Variants in GPHN observed in about 807,000 individuals in gnomAD.
The protein encoded by GPHN is gephyrin.
Under a neutral mutation model 95.5 loss-of-function variants are expected in GPHN, and 17 were observed. The observed-to-expected ratio is 0.18, with a 90% confidence interval of 0.12 to 0.27. The LOEUF is 0.27. Among genes scored for constraint, GPHN ranks in the 10% least tolerant of loss-of-function variants. The pLI, the probability that GPHN is intolerant of heterozygous loss-of-function variation, is 1.00. For synonymous variants in GPHN, 320 were observed against 322.5 expected (o/e 0.99, Z 0.08); for missense variants, 660 against 978.1 (o/e 0.67, Z 4.34).
At chr14:66,798,259 A>C (rs1275401669) in intron 3 of GPHN, among the ~76,000 whole-genome samples, 1 of 151,954 alleles carries the variant, frequency 6.6e-6, no homozygotes, top group African/African-American at 2.4e-5. Flanking sequence ...ATCAATATTC[A>C]TGAGAGATAT....
At chr14:67,658,399 C>G in the GPHN span, among the ~76,000 whole-genome samples, 1 of 151,934 alleles carries the variant, frequency 6.6e-6, no homozygotes, top group Admixed American at 6.6e-5. Flanking sequence ...TGGAGATCAT[C>G]CTGGCTAACA....
the GPHN span, among the ~76,000 whole-genome samples, chr14:67,261,989 C>G: frequency 7.3e-3 from 1,116 of 152,186 alleles, 12 homozygotes; most frequent in African/African-American, 0.024. Flanking sequence ...AGCATGGTAT[C>G]TTACAGACAT....
chr14:67,664,589 C>T, the GPHN span, among the ~76,000 whole-genome samples: 2 of 151,558 alleles, frequency 1.3e-5, no homozygotes, highest in African/African-American at 4.9e-5. Context: ...CTCCACCTCC[C>T]AGGTTCAAGC....
chr14:66,894,693 C>T (rs1242162392), intron 5 of GPHN, among the ~76,000 whole-genome samples: 8 of 152,044 alleles, frequency 5.3e-5, no homozygotes, highest in African/African-American at 1.2e-4. Context: ...AACAAGTGGG[C>T]GAAGGATATG....
intron 3 of GPHN, among the ~76,000 whole-genome samples, chr14:66,784,183 G>T (rs1003962667): frequency 1.3e-5 from 2 of 151,988 alleles, no homozygotes; most frequent in African/African-American, 4.8e-5. Flanking sequence ...ATTATAAAAG[G>T]AACCAAATGA....
At chr14:66,807,035 AAGAG>A (rs1275321568) in intron 3 of GPHN, among the ~76,000 whole-genome samples, 2 of 152,254 alleles carry the variant, frequency 1.3e-5, no homozygotes, top group Non-Finnish European at 2.9e-5. Flanking sequence ...ACATTAAAAA[AAGAG>A]AGACGTTTAT....
chr14:67,241,698 G>C, the GPHN span: 4 of 152,384 alleles, frequency 2.6e-5, no homozygotes, highest in African/African-American at 9.7e-5. Context: ...CCTCAGGCGC[G>C]CGAGCTGCGG....
chr14:66,534,899 G>C (rs140630850), intron 1 of GPHN, among the ~76,000 whole-genome samples: 1 of 151,948 alleles, frequency 6.6e-6, no homozygotes, highest in African/African-American at 2.4e-5. Context: ...CCTTTGCATG[G>C]CAAATTTCTT....
At chr14:67,037,835 C>T (rs527344383) in intron 10 of GPHN, among the ~76,000 whole-genome samples, 2 of 151,188 alleles carry the variant, frequency 1.3e-5, no homozygotes, top group Admixed American at 6.6e-5. Context: ...GAAATTGGAA[C>T]CCTTGTGCCC....
At chr14:67,008,547 A>G (rs2072766647) in intron 9 of GPHN, among the ~76,000 whole-genome samples, 1 of 150,920 alleles carries the variant, frequency 6.6e-6, no homozygotes, top group South Asian at 2.1e-4. Flanking sequence ...AAATTTATTT[A>G]TTTATTTATT....
chr14:66,624,192 C>T (rs1455564830), intron 1 of GPHN, among the ~76,000 whole-genome samples: 1 of 152,188 alleles, frequency 6.6e-6, no homozygotes, highest in African/African-American at 2.4e-5. Flanking sequence ...TTTCTGGAAA[C>T]ATGTTTTCTC....
chr14:67,645,504 T>C, the GPHN span: 2 of 885,650 alleles, frequency 2.3e-6, no homozygotes, highest in East Asian at 2.7e-5. Flanking sequence ...CTACAGGTCT[T>C]GCCTCACCCA....
intron 9 of GPHN, among the ~76,000 whole-genome samples, chr14:66,995,967 A>AT (rs11360187): frequency 1.3e-5 from 2 of 151,278 alleles, no homozygotes; most frequent in Non-Finnish European, 3.0e-5. Context: ...TCCATCATGG[A>AT]TTTTTTTTTA....
chr14:66,975,434 C>T (rs906363409), intron 9 of GPHN, among the ~76,000 whole-genome samples: 1 of 152,148 alleles, frequency 6.6e-6, no homozygotes, highest in Non-Finnish European at 1.5e-5. Context: ...TTGGAAGAAG[C>T]AGTTTTTAGC....
At chr14:66,804,005 G>GTTT (rs373688670) in intron 3 of GPHN, among the ~76,000 whole-genome samples, 1 of 151,048 alleles carries the variant, frequency 6.6e-6, no homozygotes, top group South Asian at 2.1e-4. Context: ...TCTTTTGGGG[G>GTTT]TTTTTTTTGT....
chr14:67,642,431 T>C, the GPHN span: 1 of 1,535,006 alleles, frequency 6.5e-7, no homozygotes, highest in African/African-American at 1.4e-5. Context: ...ACTTAGCTTC[T>C]TTATCTGTTT....
chr14:66,582,510 A>G (rs1309414332), intron 1 of GPHN, among the ~76,000 whole-genome samples: 1 of 151,810 alleles, frequency 6.6e-6, no homozygotes, highest in Middle Eastern at 3.2e-3. Flanking sequence ...CATTAGGTAT[A>G]TCTCCTAATG....
chr14:66,838,182 T>C (rs1040859734), intron 4 of GPHN, among the ~76,000 whole-genome samples: 1 of 152,172 alleles, frequency 6.6e-6, no homozygotes, highest in East Asian at 1.9e-4. Context: ...TGTTTTCTTA[T>C]GTGTAAAATG....
the GPHN span, among the ~76,000 whole-genome samples, chr14:67,226,393 G>A: frequency 6.8e-6 from 1 of 146,782 alleles, no homozygotes; most frequent in African/African-American, 2.5e-5. Context: ...ACGGAGTCTC[G>A]CTCTGTCACC....
Sources: allele counts gnomAD v4.1 joint callset (sites outside exome capture counted in the v4.1 genomes callset), GRCh38; gene constraint gnomAD v4.1.1; transcripts MANE v1.5; gene names NCBI Gene and HGNC (gene_info 2026-07-23, HGNC 2026-07-21).